Variants in KCNQ1 observed in about 807,000 individuals in gnomAD.
KCNQ1 encodes the protein potassium voltage-gated channel subfamily KQT member 1.
A neutral mutation model predicts 72.4 loss-of-function variants in KCNQ1; 49 were observed. That is an observed-to-expected ratio of 0.68 (90% CI 0.54 to 0.86). KCNQ1 has a LOEUF of 0.86. Among genes scored for constraint, KCNQ1 ranks in the 40% least tolerant of loss-of-function variants. The pLI is 0.00. For missense variants in KCNQ1, 790 were observed against 945.1 expected (o/e 0.84, Z 2.15); for synonymous variants, 450 against 412.6 (o/e 1.09, Z -1.10).
chr11:2,744,193 C>G (rs1846101169), intron 11 of KCNQ1, among the ~76,000 whole-genome samples: 1 of 152,250 alleles, frequency 6.6e-6, no homozygotes, highest in Non-Finnish European at 1.5e-5. Flanking sequence ...GGGACTCAGG[C>G]TTGCACCCTG....
rs545123501 is a variant in KCNQ1, at chr11:2,679,798, A to G, written c.1514+17717A>G. The G allele has an allele frequency of 2.0e-5, 8 of 398,642 alleles. No homozygotes were observed. In the South Asian group the frequency reaches 7.6e-4, roughly 38 times the overall value. The allele number at this position is 398,642 out of a possible 1,614,324, so 24.7% of individuals were successfully genotyped here. The stretch of plus-strand genomic sequence containing the variant: ...GGGCCTGTTAGGCCAGTTGAGGGCT[A>G]GAGGAGCACAAGGGGCCAGACTGCT... On this transcript the variant is annotated intron_variant, in intron 11 of 15. Coordinates refer to ENST00000155840, the MANE Select transcript of KCNQ1 (RefSeq NM_000218.3). The surrounding 1 kb of genome is among the most constrained non-coding windows in gnomAD (Gnocchi z 4.8).
intron 11 of KCNQ1, among the ~76,000 whole-genome samples, chr11:2,729,616 C>T (rs1451915172): frequency 1.3e-5 from 2 of 152,146 alleles, no homozygotes; most frequent in African/African-American, 4.8e-5. Flanking sequence ...TTTGTCTTGT[C>T]GTTATTCCCT....
chr11:2,727,589 G>A (rs982652389), intron 11 of KCNQ1, among the ~76,000 whole-genome samples: 1 of 152,200 alleles, frequency 6.6e-6, no homozygotes, highest in Non-Finnish European at 1.5e-5. Flanking sequence ...AGCAGGAGCA[G>A]ACACCCCGGA....
chr11:2,660,904 G>T, intron 10 of KCNQ1: 1 of 398,618 alleles, frequency 2.5e-6, no homozygotes, highest in East Asian at 3.6e-5. Flanking sequence ...TAATTAAGCA[G>T]CTTAAAACTA....
At chr11:2,743,233 C>T (rs1240790174) in intron 11 of KCNQ1, among the ~76,000 whole-genome samples, 2 of 152,014 alleles carry the variant, frequency 1.3e-5, no homozygotes, top group East Asian at 1.9e-4. Context: ...CCGTACCATG[C>T]GGGGCCCCTC....
rs1002558834 is a variant in KCNQ1, at chr11:2,599,327, T to A, written c.1393+10473T>A. ...ATAGTAAAAATGCCTCTAAGGCTGC[T>A]GAAACAATTTTATTTTGATTTAATT... On this transcript the variant is annotated intron_variant, in intron 10 of 15. Transcript: ENST00000155840. The surrounding 1 kb of genome is among the most constrained non-coding windows in gnomAD (Gnocchi z 4.7). 2.1e-4 allele frequency among the ~76,000 whole-genome samples: 32 copies of A among 152,260 alleles called. No homozygotes were observed. The highest frequency in any genetic ancestry group is 1.5e-5 in the Non-Finnish European group (1 of 68,050).
intron 11 of KCNQ1, chr11:2,662,859 A>G (rs1849993389): frequency 2.5e-6 from 1 of 398,656 alleles, no homozygotes; most frequent in Non-Finnish European, 4.4e-6. Context: ...CCTTCTCTCT[A>G]CCAACATTTT....
At chr11:2,610,257 A>G (rs1848957431) in intron 10 of KCNQ1, 1 of 397,956 alleles carries the variant, frequency 2.5e-6, no homozygotes, top group South Asian at 1.3e-4. Context: ...GGTGAGATAC[A>G]GAAGTTATTC....
At chr11:2,771,360 C>T (rs531822890) in intron 12 of KCNQ1, 1 of 152,244 alleles carries the variant, frequency 6.6e-6, no homozygotes, top group African/African-American at 2.4e-5. Flanking sequence ...ACTACCATGG[C>T]TTCCAGTCTT....
chr11:2,694,744 TG>T (rs1850646407), intron 11 of KCNQ1: 1 of 398,506 alleles, frequency 2.5e-6, no homozygotes, highest in Non-Finnish European at 4.4e-6. Flanking sequence ...AATAAGTAGA[TG>T]TCTAAGGAAC....
intron 1 of KCNQ1, among the ~76,000 whole-genome samples, chr11:2,456,926 A>G (rs185628349): frequency 0.038 from 5,427 of 143,728 alleles, 314 homozygotes; most frequent in African/African-American, 0.12. Context: ...GTGACAGAGC[A>G]AGACTCGGTC....
intron 10 of KCNQ1, chr11:2,615,790 CT>C (rs1361330425): frequency 2.5e-6 from 1 of 397,640 alleles, no homozygotes; most frequent in Non-Finnish European, 4.4e-6. Context: ...CTTACTAGTA[CT>C]TTGTTAAATA....
intron 10 of KCNQ1, chr11:2,610,104 T>C: frequency 5.0e-6 from 2 of 396,632 alleles, no homozygotes; most frequent in Non-Finnish European, 4.4e-6. Context: ...CCTTTGCTGC[T>C]TTCTTTTCCA....
At chr11:2,539,503 T>A (rs1396437715) in intron 2 of KCNQ1, among the ~76,000 whole-genome samples, 3 of 152,164 alleles carry the variant, frequency 2.0e-5, no homozygotes, top group African/African-American at 7.2e-5. Context: ...TGTGACCCTG[T>A]GCGGACTCCA....
chr11:2,723,760 A>G lies in KCNQ1; in HGVS notation c.1515-45084A>G, dbSNP rs2133932969. Among the ~76,000 whole-genome samples, 1 of 152,230 alleles carries G rather than the reference A, an allele frequency of 6.6e-6. No individual in the cohort carries two copies. The highest frequency in any genetic ancestry group is 6.5e-5 in the Admixed American group (1 of 15,300). ...CTCCTCTACTAGCTAGTGGGGCCTC[A>G]CTAACCGCTGGTGGCCGCAGGGTTC... On this transcript the variant is annotated intron_variant, in intron 11 of 15. Coordinates refer to ENST00000155840, the MANE Select transcript of KCNQ1 (RefSeq NM_000218.3). The surrounding 1 kb of genome is among the most constrained non-coding windows in gnomAD (Gnocchi z 4.2).
chr11:2,533,598 A>G (rs888055293), intron 2 of KCNQ1, among the ~76,000 whole-genome samples: 1 of 152,242 alleles, frequency 6.6e-6, no homozygotes, highest in Non-Finnish European at 1.5e-5. Context: ...CCGTGCGCAC[A>G]TGCGTACACA....
intron 11 of KCNQ1, among the ~76,000 whole-genome samples, chr11:2,709,221 C>A (rs1006531974): frequency 6.6e-5 from 3 of 45,606 alleles, no homozygotes; most frequent in Non-Finnish European, 1.1e-4. Flanking sequence ...GGCTTCCAGG[C>A]CCCCCCCACC....
chr11:2,743,207 C>T (rs1028120253), intron 11 of KCNQ1, among the ~76,000 whole-genome samples: 2 of 152,114 alleles, frequency 1.3e-5, no homozygotes, highest in African/African-American at 2.4e-5. Context: ...TGTGAGCCCA[C>T]CGCCCACCTA....
At chr11:2,685,444 C>G (rs1229220692) in intron 11 of KCNQ1, 9 of 398,608 alleles carry the variant, frequency 2.3e-5, no homozygotes, top group Non-Finnish European at 4.0e-5. Flanking sequence ...AACGAGAAGC[C>G]CTTATCCAGA....
Sources: allele counts gnomAD v4.1 joint callset (sites outside exome capture counted in the v4.1 genomes callset), GRCh38; gene constraint gnomAD v4.1.1; non-coding constraint Gnocchi (gnomAD v3.1); transcripts MANE v1.5; gene names NCBI Gene and HGNC (gene_info 2026-07-23, HGNC 2026-07-21).